Variants in PDE5A observed in about 807,000 individuals in gnomAD.
PDE5A encodes the protein cGMP-specific 3',5'-cyclic phosphodiesterase.
PDE5A carries 67 observed loss-of-function variants against 110.2 expected under a neutral mutation model. The observed-to-expected ratio is 0.61, with a 90% CI of 0.50 to 0.75. The LOEUF (loss-of-function observed/expected upper bound fraction) is 0.75, where lower values mean the gene tolerates loss of function less well. Among genes scored for constraint, PDE5A ranks in the 30% least tolerant of loss-of-function variants. PDE5A has a pLI of 0.00. For missense variants in PDE5A, 862 were observed against 1,045.1 expected (o/e 0.82, Z 2.42); for synonymous variants, 328 against 351.2 (o/e 0.93, Z 0.74).
chr4:119,557,097 G>C (rs1235275995), intron 7 of PDE5A, among the ~76,000 whole-genome samples: 1 of 152,154 alleles, frequency 6.6e-6, no homozygotes, highest in African/African-American at 2.4e-5. Context: ...CCTCTACCAG[G>C]GTTGATCCCA....
chr4:119,531,881 C>T (rs1384578137), intron 11 of PDE5A, among the ~76,000 whole-genome samples: 2 of 152,060 alleles, frequency 1.3e-5, no homozygotes, highest in African/African-American at 4.8e-5. Context: ...GGAATTTGAA[C>T]CTAGGTATCT....
intron 15 of PDE5A, 50 bp downstream of exon 15, chr4:119,510,997 A>G: frequency 9.3e-7 from 1 of 1,075,000 alleles, no homozygotes; most frequent in Non-Finnish European, 1.4e-6. Flanking sequence ...ATAAAACTGA[A>G]TTTATAAAGC....
intron 11 of PDE5A, among the ~76,000 whole-genome samples, chr4:119,526,653 A>C (rs1726329831): frequency 6.6e-6 from 1 of 152,178 alleles, no homozygotes; most frequent in South Asian, 2.1e-4. Flanking sequence ...CTGAGATAGC[A>C]CTACTTTGCT....
rs1726968899 is a variant in PDE5A at position 119,542,530 on chromosome 4, A to T, written c.1501T>A (p.Leu501Met). Residue 501 changes from leucine to methionine, a missense_variant, in exon 10 of 21, where the codon TTG becomes ATG. By Grantham distance (15) the Leu-to-Met change is conservative. Transcript: ENST00000354960. ...FLEAFVIFCGLGIQNTQMYEA... is the reference protein window; with the variant it reads ...FLEAFVIFCGMGIQNTQMYEA... ...TACATCTGCGTGTTCTGGATCCCCA[A>T]GCCACAAAAGATGACAAAAGCTTCC... The T allele has an allele frequency of 6.2e-7, 1 of 1,613,918 alleles. No homozygotes were observed. The highest frequency in any genetic ancestry group is 1.3e-5 in the African/African-American group (1 of 74,916).
At chr4:119,586,326 C>A (rs1404136089) in intron 3 of PDE5A, among the ~76,000 whole-genome samples, 70 of 152,270 alleles carry the variant, frequency 4.6e-4, no homozygotes, top group Non-Finnish European at 2.9e-5. Flanking sequence ...AATTTCCATT[C>A]TATGATCAAA....
At chr4:119,586,651 T>G (rs1464341073) in intron 3 of PDE5A, among the ~76,000 whole-genome samples, 1 of 152,172 alleles carries the variant, frequency 6.6e-6, no homozygotes, top group Non-Finnish European at 1.5e-5. Flanking sequence ...AAAGAAATGT[T>G]TTATACTTCT....
chr4:119,539,054 G>C (rs200868040), intron 10 of PDE5A, 35 bp from the exon 11 acceptor site: 2 of 1,511,088 alleles, frequency 1.3e-6, no homozygotes, highest in Non-Finnish European at 1.8e-6. Flanking sequence ...GGTTACACAG[G>C]AGAGAACTAC....
chr4:119,534,843 TCA>T (rs1726675582), intron 11 of PDE5A, among the ~76,000 whole-genome samples: 1 of 152,160 alleles, frequency 6.6e-6, no homozygotes, highest in Non-Finnish European at 1.5e-5. Flanking sequence ...CCTGCAGCAA[TCA>T]CACACATGTG....
chr4:119,589,457 T>C (rs1728885044), intron 3 of PDE5A, among the ~76,000 whole-genome samples: 1 of 113,538 alleles, frequency 8.8e-6, no homozygotes, highest in Non-Finnish European at 1.8e-5. Context: ...TGAGCTTCTC[T>C]GTAATTCTTT....
At chr4:119,583,456 T>C (rs28678287) in intron 3 of PDE5A, among the ~76,000 whole-genome samples, 3,588 of 152,256 alleles carry the variant, frequency 0.024, 139 homozygotes, top group African/African-American at 0.081. Context: ...GCTATTTGAC[T>C]TTCTTAGCAC....
chr4:119,497,067 G>T lies in PDE5A; in HGVS notation c.*1534C>A, dbSNP rs1327870237. ...TTTAGGCAAAATTTAGGGGAATCGGGACATAGATGGAAAACACATTTTGGC... is the reference window on the plus strand; with the variant it reads ...TTTAGGCAAAATTTAGGGGAATCGGTACATAGATGGAAAACACATTTTGGC... On this transcript the variant is annotated 3_prime_UTR_variant, in exon 21 of 21. Transcript: ENST00000354960. 6.6e-6 allele frequency: 1 copy of T among 152,042 alleles called. No individual in the cohort carries two copies. Among genetic ancestry groups the T allele is most frequent in the African/African-American group, 2.4e-5 (1 of 41,418 alleles). 9.4% of individuals were successfully genotyped at this position (152,042 alleles called of 1,614,324 possible).
chr4:119,504,732 A>C, intron 17 of PDE5A, 133 bp from the exon 18 acceptor site: 1 of 548,036 alleles, frequency 1.8e-6, no homozygotes, highest in Non-Finnish European at 3.2e-6. Context: ...AGACCAAAGA[A>C]AAAGAAACAA....
chr4:119,540,351 C>T (rs555582848), intron 10 of PDE5A, among the ~76,000 whole-genome samples: 17 of 152,216 alleles, frequency 1.1e-4, no homozygotes, highest in African/African-American at 3.8e-4. Flanking sequence ...AGAACTGTTA[C>T]CATACTGCAC....
chr4:119,586,673 C>T (rs1018577827), intron 3 of PDE5A, among the ~76,000 whole-genome samples: 1 of 152,146 alleles, frequency 6.6e-6, no homozygotes, highest in Non-Finnish European at 1.5e-5. Context: ...TGGTTCCAGA[C>T]CCCTAATACC....
chr4:119,592,150 C>CAAAAA (rs70944895), intron 3 of PDE5A, among the ~76,000 whole-genome samples: 6 of 15,746 alleles, frequency 3.8e-4, no homozygotes, highest in Non-Finnish European at 6.5e-4. Flanking sequence ...GACTCTGTCT[C>CAAAAA]AAAAAAAAAA....
At chr4:119,536,417 A>G (rs913244999) in intron 11 of PDE5A, among the ~76,000 whole-genome samples, 1 of 152,146 alleles carries the variant, frequency 6.6e-6, no homozygotes, top group African/African-American at 2.4e-5. Flanking sequence ...ATCACCAAAC[A>G]TATTGCTCGA....
chr4:119,515,730 T>A (rs1447053793), intron 14 of PDE5A, among the ~76,000 whole-genome samples: 3 of 152,086 alleles, frequency 2.0e-5, no homozygotes, highest in Non-Finnish European at 4.4e-5. Flanking sequence ...AATTAAAAAA[T>A]TTTTTTCTCC....
intron 3 of PDE5A, among the ~76,000 whole-genome samples, chr4:119,589,258 A>G (rs989097356): frequency 6.9e-6 from 1 of 143,968 alleles, no homozygotes; most frequent in African/African-American, 2.7e-5. Flanking sequence ...TAATCTAGAG[A>G]AAAAAAAAAA....
intron 2 of PDE5A, among the ~76,000 whole-genome samples, chr4:119,603,232 G>A (rs938911504): frequency 6.6e-6 from 1 of 152,086 alleles, no homozygotes; most frequent in Non-Finnish European, 1.5e-5. Context: ...ATTCATAAAT[G>A]CCGTGCCAAG....
Sources: gnomAD v4.1 joint callset for allele counts (sites outside exome capture counted in the v4.1 genomes callset) on GRCh38, gnomAD v4.1.1 for gene constraint, MANE v1.5 for transcripts, NCBI Gene and HGNC (gene_info 2026-07-23, HGNC 2026-07-21) for gene names.